The following TAL1 variants were observed in gnomAD, a reference collection of about 807,000 sequenced individuals.
TAL1 encodes TAL bHLH transcription factor 1, erythroid differentiation factor.
A neutral mutation model predicts 17.9 loss-of-function variants in TAL1; 8 were observed. That is an observed-to-expected ratio of 0.45 (90% CI 0.26 to 0.81). The LOEUF is 0.81. TAL1 is among the 30% of genes least tolerant of loss of function. The pLI is 0.17. For missense variants in TAL1, 466 were observed against 486.9 expected (o/e 0.96, Z 0.40); for synonymous variants, 223 against 218.6 (o/e 1.02, Z -0.18).
intron 1 of TAL1, 61 bp from the exon 3 acceptor site, chr1:47,225,950 C>A: frequency 1.3e-6 from 2 of 1,510,814 alleles, no homozygotes; most frequent in Non-Finnish European, 1.8e-6. Flanking sequence ...GACCCACCGA[C>A]GTGGGCTGGG....
rs1196176693 is a variant in TAL1, at chr1:47,223,996, A to G, written c.541+8T>C. On this transcript the variant is annotated splice_region_variant and intron_variant, in intron 3 of 3. Coordinates refer to ENST00000294339, the Ensembl canonical transcript of TAL1. ...GGCAGGTACAACGGTGGGGTGGGGC[A>G]GACTCACCATCAGTAATCTCCATCT... 3.7e-6 allele frequency: 6 copies of G among 1,613,322 alleles called. No homozygotes were observed. The highest frequency in any genetic ancestry group is 8.5e-7 in the Non-Finnish European group (1 of 1,179,504).
At chr1:47,217,919 C>T (rs1645531311) in exon 4 of TAL1, 1 of 396,954 alleles carries the variant, frequency 2.5e-6, no homozygotes, top group African/African-American at 2.1e-5. Context: ...ATCTGGGGAG[C>T]CTGAAATTGA....
chr1:47,222,695 C>T (rs1643841334), intron 3 of TAL1, among the ~76,000 whole-genome samples: 1 of 152,126 alleles, frequency 6.6e-6, no homozygotes, highest in South Asian at 2.1e-4. Context: ...CTCTCCTCAC[C>T]TTCCTCTTTC....
intron 3 of TAL1, chr1:47,223,738 C>T: frequency 2.6e-6 from 1 of 390,126 alleles, no homozygotes; most frequent in Non-Finnish European, 4.7e-6. Context: ...TGGGAACTAA[C>T]TCCAGAGGTT....
intron 3 of TAL1, among the ~76,000 whole-genome samples, chr1:47,220,515 G>A (rs573074176): frequency 1.3e-5 from 2 of 152,280 alleles, no homozygotes; most frequent in East Asian, 3.9e-4. Context: ...GTGCCAAGAG[G>A]CCTTACAGCT....
Position 47,223,988 on chromosome 1 carries a change from G to A in TAL1, c.541+16C>T, listed in dbSNP as rs1298018609. The A allele has an allele frequency of 1.2e-6, 2 of 1,611,516 alleles. No individual in the cohort carries two copies. The highest frequency in any genetic ancestry group is 3.3e-5 in the Admixed American group (2 of 60,012). On this transcript the variant is annotated intron_variant, in intron 3 of 3. Coordinates refer to ENST00000294339, the Ensembl canonical transcript of TAL1. Reference sequence around the variant, plus strand: ...GCGTGAGGGGCAGGTACAACGGTGGGGTGGGGCAGACTCACCATCAGTAAT... The same window carrying A: ...GCGTGAGGGGCAGGTACAACGGTGGAGTGGGGCAGACTCACCATCAGTAAT...
exon 4 of TAL1, chr1:47,219,142 T>A (rs1388604323): frequency 4.7e-6 from 2 of 421,320 alleles, no homozygotes; most frequent in African/African-American, 4.0e-5. Context: ...TGTCCACTGA[T>A]CATCTTCTTC....
At chr1:47,230,078 AG>A (rs2148596804), upstream of TAL1, 1 of 152,334 alleles carries the variant, frequency 6.6e-6, no homozygotes, top group African/African-American at 2.4e-5. Context: ...AGACCAACAA[AG>A]GGGGAAAGAA....
intron 1 of TAL1, chr1:47,227,890 C>T (rs936974743): frequency 3.9e-5 from 6 of 152,370 alleles, no homozygotes; most frequent in African/African-American, 9.6e-5. Context: ...TTCCCTACCT[C>T]ACTGCTCTCC....
exon 4 of TAL1, chr1:47,217,131 G>A (rs193076518): frequency 4.2e-6 from 1 of 238,392 alleles, no homozygotes; most frequent in East Asian, 6.0e-5. Flanking sequence ...TGTGATCCCA[G>A]TGCTTCTGGA....
At position 47,225,802 on chromosome 1, in the gene TAL1, C is replaced by CG. The variant is rs750167290; in HGVS notation, c.86dup (p.His30AlafsTer146). ...CGACGCCGTTCAGCAGGACCAGGTG[C>CG]GGGGGGGCCATGCTGGCCTCGGCCG... On this transcript the variant is annotated frameshift_variant, in exon 2 of 4. Coordinates refer to ENST00000294339, the Ensembl canonical transcript of TAL1. LOFTEE classifies it high-confidence loss of function. 7 of 1,571,270 alleles carry CG rather than the reference C, an allele frequency of 4.5e-6. No homozygotes were observed. Among genetic ancestry groups the CG allele is most frequent in the African/African-American group, 2.8e-5 (2 of 71,722 alleles).
At chr1:47,219,373 A>G in exon 4 of TAL1, 1 of 571,546 alleles carries the variant, frequency 1.7e-6, no homozygotes, top group South Asian at 1.5e-5. Flanking sequence ...AGAGCTGACA[A>G]CCCCAGGTCT....
chr1:47,219,977 C>T (rs761940297), exon 4 of TAL1: 10 of 1,592,468 alleles, frequency 6.3e-6, no homozygotes, highest in Non-Finnish European at 2.6e-6. Flanking sequence ...CCCTCCTCCT[C>T]CTGGTCATTG....
intron 2 of TAL1, among the ~76,000 whole-genome samples, chr1:47,224,970 C>CCTCA (rs1440211950): frequency 1.3e-5 from 2 of 152,212 alleles, no homozygotes; most frequent in African/African-American, 4.8e-5. Flanking sequence ...CTGCCACCAC[C>CCTCA]CTCAGATCCT....
chr1:47,230,835 G>A (rs1643998918), upstream of TAL1: 1 of 152,180 alleles, frequency 6.6e-6, no homozygotes, highest in Admixed American at 6.5e-5. Context: ...CACTAACCCG[G>A]TCCCTCCCAG....
chr1:47,230,812 C>A (rs1165413430), upstream of TAL1: 2 of 152,118 alleles, frequency 1.3e-5, no homozygotes, highest in Non-Finnish European at 2.9e-5. Flanking sequence ...TCTTTCAACC[C>A]GAGCTAGGGC....
chr1:47,217,604 A>C (rs967585124), exon 4 of TAL1: 3 of 398,608 alleles, frequency 7.5e-6, no homozygotes, highest in Non-Finnish European at 8.8e-6. Context: ...AAAACTGTCT[A>C]CTTTCATGAT....
chr1:47,227,406 A>G (rs1643929491), intron 1 of TAL1: 1 of 152,218 alleles, frequency 6.6e-6, no homozygotes, highest in Non-Finnish European at 1.5e-5. Flanking sequence ...GTCCATCTAA[A>G]TCATACATAG....
chr1:47,229,923 G>C (rs1172919787), upstream of TAL1: 1 of 152,314 alleles, frequency 6.6e-6, no homozygotes, highest in African/African-American at 2.4e-5. Flanking sequence ...CAATTCCAGG[G>C]GCTGTACTTT....
Sources: gnomAD v4.1 joint callset for allele counts (sites outside exome capture counted in the v4.1 genomes callset) on GRCh38, gnomAD v4.1.1 for gene constraint, MANE v1.5 for transcripts, NCBI Gene and HGNC (gene_info 2026-07-23, HGNC 2026-07-21) for gene names.